CEP85L: variants seen among roughly 807,000 people sequenced by gnomAD.
CEP85L encodes centrosomal protein of 85 kDa-like.
In CEP85L, 60 loss-of-function variants were observed where a neutral mutation model predicts 100.3. The observed-to-expected ratio is 0.60, with a 90% CI of 0.49 to 0.74. The LOEUF is 0.74. Ranked by LOEUF, CEP85L falls within the 30% of genes least tolerant of loss-of-function variation. CEP85L has a pLI of 0.00. For synonymous variants in CEP85L, 319 were observed against 322.7 expected (o/e 0.99, Z 0.12); for missense variants, 973 against 936.2 (o/e 1.04, Z -0.51).
At chr6:118,654,011 ATTAAG>A (rs1380182979), upstream of CEP85L, among the ~76,000 whole-genome samples, 1 of 152,208 alleles carries the variant, frequency 6.6e-6, no homozygotes, top group African/African-American at 2.4e-5. Flanking sequence ...CTTTGAACTG[ATTAAG>A]TTGAGCTATC....
intron 4 of CEP85L, among the ~76,000 whole-genome samples, chr6:118,517,544 T>C (rs1009368318): frequency 6.6e-5 from 10 of 152,216 alleles, no homozygotes; most frequent in Non-Finnish European, 1.3e-4. Context: ...TCTCTGTTTG[T>C]CTGTTATTGG....
At chr6:118,466,202 T>A (rs1772507515) in intron 12 of CEP85L, among the ~76,000 whole-genome samples, 1 of 152,166 alleles carries the variant, frequency 6.6e-6, no homozygotes, top group South Asian at 2.1e-4. Flanking sequence ...TTTACTTCAG[T>A]TCTTCTCTTT....
chr6:118,600,176 T>TG (rs1781653529), intron 2 of CEP85L, among the ~76,000 whole-genome samples: 1 of 151,888 alleles, frequency 6.6e-6, no homozygotes, highest in Non-Finnish European at 1.5e-5. Context: ...TCACAGGAGA[T>TG]GGAGTTAAAC....
intron 3 of CEP85L, among the ~76,000 whole-genome samples, chr6:118,538,758 A>T (rs927439414): frequency 4.6e-5 from 7 of 152,102 alleles, no homozygotes; most frequent in African/African-American, 1.7e-4. Context: ...TATTCAAATT[A>T]AGGTTAATCA....
intron 2 of CEP85L, among the ~76,000 whole-genome samples, chr6:118,608,356 G>A (rs1037513389): frequency 5.9e-5 from 9 of 152,070 alleles, no homozygotes; most frequent in African/African-American, 1.2e-4. Context: ...TTAGCCAGGC[G>A]TGGTGGCGTA....
chr6:118,657,470 A>G (rs1775836712), upstream of CEP85L, among the ~76,000 whole-genome samples: 2 of 152,062 alleles, frequency 1.3e-5, no homozygotes, highest in South Asian at 4.1e-4. Context: ...AAATACAAAA[A>G]TTAGCTGGGC....
chr6:118,556,537 C>T lies in CEP85L; in HGVS notation c.1020+8992G>A, dbSNP rs1402511102. Among the ~76,000 whole-genome samples the T allele has an allele frequency of 6.6e-5, 10 of 152,270 alleles. No homozygotes were observed. The East Asian group carries it at 1.4e-3, about 21-fold the overall frequency. On this transcript the variant is annotated intron_variant, in intron 3 of 12. Coordinates refer to ENST00000368491, the MANE Select transcript of CEP85L (RefSeq NM_001042475.3). Reference sequence around the variant, plus strand: ...GGGTTCTAACTAGTCATGCCTGATACTTACCTTCCCCTTTGCCATTCTTTC... The same window carrying T: ...GGGTTCTAACTAGTCATGCCTGATATTTACCTTCCCCTTTGCCATTCTTTC...
intron 3 of CEP85L, chr6:118,558,857 G>C (rs1340216487): frequency 2.6e-6 from 3 of 1,160,282 alleles, no homozygotes; most frequent in Non-Finnish European, 3.9e-6. Flanking sequence ...TCTCATATTT[G>C]GCTGCCAGCT....
chr6:118,535,948 C>A (rs1226599459), intron 3 of CEP85L, among the ~76,000 whole-genome samples: 1 of 151,990 alleles, frequency 6.6e-6, no homozygotes, highest in Non-Finnish European at 1.5e-5. Flanking sequence ...TAAATTTAAT[C>A]TTTAAAAATC....
At chr6:118,664,591 G>A (rs184147634) in intron 1 of CEP85L, 1 of 152,540 alleles carries the variant, frequency 6.6e-6, no homozygotes, top group Admixed American at 6.5e-5. Context: ...GATGTTCTCA[G>A]GAAACAGCAC....
intron 2 of CEP85L, 137 bp from the exon 3 acceptor site, chr6:118,566,453 T>G (rs1562267439): frequency 7.8e-6 from 6 of 770,070 alleles, no homozygotes; most frequent in Non-Finnish European, 1.2e-5. Flanking sequence ...AGTTTTAGCT[T>G]GTTGCCTAGG....
intron 3 of CEP85L, among the ~76,000 whole-genome samples, chr6:118,554,984 T>C (rs1778767271): frequency 6.6e-6 from 1 of 152,222 alleles, no homozygotes; most frequent in Non-Finnish European, 1.5e-5. Flanking sequence ...ACTCCCTCCT[T>C]TCCCATGTTT....
intron 1 of CEP85L, among the ~76,000 whole-genome samples, chr6:118,662,502 G>T (rs1412056755): frequency 1.3e-5 from 2 of 150,814 alleles, no homozygotes; most frequent in African/African-American, 4.9e-5. Context: ...TGCATTCCAG[G>T]CTGGGTGACA....
At chr6:118,466,178 C>A (rs761115146) in intron 12 of CEP85L, among the ~76,000 whole-genome samples, 3 of 152,072 alleles carry the variant, frequency 2.0e-5, no homozygotes, top group Non-Finnish European at 4.4e-5. Flanking sequence ...CTTGAGTCAG[C>A]CAGCTTTTAG....
chr6:118,473,453 G>A (rs550093927), intron 10 of CEP85L, among the ~76,000 whole-genome samples: 1 of 152,054 alleles, frequency 6.6e-6, no homozygotes, highest in Non-Finnish European at 1.5e-5. Flanking sequence ...AAAAGCAAGA[G>A]AGCCAGGATG....
At chr6:118,516,905 T>C (rs75259032) in intron 4 of CEP85L, among the ~76,000 whole-genome samples, 5,105 of 152,334 alleles carry the variant, frequency 0.034, 287 homozygotes, top group African/African-American at 0.12. Context: ...TTTTAATCCA[T>C]CTTTAGTTAA....
At chr6:118,470,400 G>A (rs1016867059) in intron 11 of CEP85L, 137 bp downstream of exon 11, 2 of 455,894 alleles carry the variant, frequency 4.4e-6, no homozygotes, top group African/African-American at 4.1e-5. Flanking sequence ...TAATAATTTT[G>A]GTAAGAAACA....
At chr6:118,477,628 T>G (rs946532483) in intron 10 of CEP85L, among the ~76,000 whole-genome samples, 10 of 152,032 alleles carry the variant, frequency 6.6e-5, no homozygotes, top group Non-Finnish European at 1.2e-4. Context: ...GTGCACCAAA[T>G]CAAGACAAGT....
chr6:118,497,934 A>T (rs1357748501), intron 5 of CEP85L, among the ~76,000 whole-genome samples: 1 of 152,250 alleles, frequency 6.6e-6, no homozygotes, highest in African/African-American at 2.4e-5. Flanking sequence ...GTGTGCATGT[A>T]TGTATACATA....
Sources: gnomAD v4.1 joint callset for allele counts (sites outside exome capture counted in the v4.1 genomes callset) on GRCh38, gnomAD v4.1.1 for gene constraint, MANE v1.5 for transcripts, NCBI Gene and HGNC (gene_info 2026-07-23, HGNC 2026-07-21) for gene names.